The following WWOX variants were observed in gnomAD, a reference collection of about 807,000 sequenced individuals.
The protein encoded by WWOX is WW domain-containing oxidoreductase.
A neutral mutation model predicts 46.2 loss-of-function variants in WWOX; 69 were observed. The observed-to-expected ratio is 1.49, with a 90% CI of 1.23 to 1.82. The LOEUF is 1.82. Among genes scored for constraint, WWOX ranks in the 40% most tolerant of loss-of-function variants. The probability of loss-of-function intolerance (pLI) is 0.00; values close to 1 mark genes in which losing one functional copy is unlikely to be tolerated. For synonymous variants in WWOX, 359 were observed against 202.6 expected (o/e 1.77, Z -6.56); for missense variants, 919 against 542.6 (o/e 1.69, Z -6.89).
chr16:78,937,329 A>G (rs1344277800), intron 8 of WWOX, among the ~76,000 whole-genome samples: 2 of 152,100 alleles, frequency 1.3e-5, no homozygotes, highest in Admixed American at 6.5e-5. Context: ...CTAATTTGAT[A>G]CAGGTGTCAG....
At chr16:78,462,078 C>G (rs73574917) in intron 8 of WWOX, among the ~76,000 whole-genome samples, 5,265 of 152,240 alleles carry the variant, frequency 0.035, 311 homozygotes, top group African/African-American at 0.12. Flanking sequence ...TGACCAGGGT[C>G]TAGCAGTCAT....
chr16:78,531,941 A>G (rs2043633294), intron 8 of WWOX, among the ~76,000 whole-genome samples: 1 of 152,002 alleles, frequency 6.6e-6, no homozygotes, highest in Non-Finnish European at 1.5e-5. Context: ...TCCCTTTCCC[A>G]CCTTCCCAAA....
chr16:78,504,607 C>G (rs1438184129), intron 8 of WWOX, among the ~76,000 whole-genome samples: 1 of 152,190 alleles, frequency 6.6e-6, no homozygotes, highest in Non-Finnish European at 1.5e-5. Flanking sequence ...GTAATACTAT[C>G]TTTCTTTCCC....
At chr16:78,813,005 C>G (rs1029477500) in intron 8 of WWOX, among the ~76,000 whole-genome samples, 5 of 151,374 alleles carry the variant, frequency 3.3e-5, no homozygotes, top group African/African-American at 7.3e-5. Flanking sequence ...ATTAGGGAAT[C>G]TACCTTAATA....
intron 5 of WWOX, among the ~76,000 whole-genome samples, chr16:78,171,665 C>T (rs11859448): frequency 7.9e-5 from 12 of 152,116 alleles, no homozygotes; most frequent in Admixed American, 2.0e-4. Flanking sequence ...TGTAGATTAC[C>T]GGGAAGAGCG....
At chr16:79,057,575 T>C (rs2048286176) in intron 8 of WWOX, among the ~76,000 whole-genome samples, 1 of 95,962 alleles carries the variant, frequency 1.0e-5, no homozygotes, top group Non-Finnish European at 2.1e-5. Flanking sequence ...TTCAGAGAGT[T>C]GGTGATTTTG....
chr16:78,914,586 A>G (rs956127795), intron 8 of WWOX, among the ~76,000 whole-genome samples: 5 of 152,008 alleles, frequency 3.3e-5, no homozygotes, highest in East Asian at 1.9e-4. Context: ...TGTGAGTATA[A>G]GAGGGAAACC....
At chr16:79,049,006 C>G (rs940153002) in intron 8 of WWOX, among the ~76,000 whole-genome samples, 4 of 152,188 alleles carry the variant, frequency 2.6e-5, no homozygotes, top group Non-Finnish European at 4.4e-5. Flanking sequence ...ATGAGAATCC[C>G]TGAGGGACAG....
chr16:78,892,351 G>A (rs1471173569), intron 8 of WWOX: 3 of 152,202 alleles, frequency 2.0e-5, no homozygotes, highest in Non-Finnish European at 4.4e-5. Flanking sequence ...GTGCGTTCCT[G>A]GACTCTGGGG....
At chr16:78,561,891 A>G (rs1244936055) in intron 8 of WWOX, among the ~76,000 whole-genome samples, 1 of 152,096 alleles carries the variant, frequency 6.6e-6, no homozygotes, top group Non-Finnish European at 1.5e-5. Flanking sequence ...ACCTGATGCA[A>G]CTCATTATCT....
chr16:78,515,230 A>C (rs1007143820), intron 8 of WWOX, among the ~76,000 whole-genome samples: 2 of 152,232 alleles, frequency 1.3e-5, no homozygotes, highest in African/African-American at 4.8e-5. Flanking sequence ...TCTCAGAAAC[A>C]GAAAATAAAA....
chr16:78,990,669 AAG>A (rs1343042159), intron 8 of WWOX, among the ~76,000 whole-genome samples: 1 of 152,154 alleles, frequency 6.6e-6, no homozygotes. Flanking sequence ...AGGAAGGAAA[AAG>A]AGAGAGGGAG....
intron 8 of WWOX, among the ~76,000 whole-genome samples, chr16:78,633,441 C>T (rs1242023325): frequency 1.3e-5 from 2 of 152,134 alleles, no homozygotes; most frequent in Non-Finnish European, 2.9e-5. Context: ...GCAGGTGATA[C>T]TGCATTTTGT....
Position 79,050,506 on chromosome 16 carries a change from A to T in WWOX, c.1057-161102A>T, listed in dbSNP as rs771814899. Among the ~76,000 whole-genome samples the T allele has an allele frequency of 9.9e-5, 15 of 152,208 alleles. 1 individual carries two copies. The highest frequency in any genetic ancestry group is 2.2e-4 in the Non-Finnish European group (15 of 68,038). On this transcript the variant is annotated intron_variant, in intron 8 of 8. Coordinates refer to ENST00000566780, the MANE Select transcript of WWOX (RefSeq NM_016373.4). ...TCCTCTGTCACACACTGATGCCCCA[A>T]ATAAATCACATGGCTGAGCTCACGG...
intron 8 of WWOX, among the ~76,000 whole-genome samples, chr16:78,491,887 TCTA>T (rs1555548857): frequency 6.6e-6 from 1 of 152,198 alleles, no homozygotes; most frequent in Non-Finnish European, 1.5e-5. Flanking sequence ...TCCCTTGCCT[TCTA>T]CTCCTCTTTT....
At chr16:78,955,124 A>C (rs2046138913) in intron 8 of WWOX, among the ~76,000 whole-genome samples, 1 of 152,098 alleles carries the variant, frequency 6.6e-6, no homozygotes, top group Non-Finnish European at 1.5e-5. Flanking sequence ...GACTATATTG[A>C]ATTTTGGCCC....
chr16:78,380,793 C>A (rs746963725), intron 5 of WWOX, among the ~76,000 whole-genome samples: 1 of 152,062 alleles, frequency 6.6e-6, no homozygotes, highest in Non-Finnish European at 1.5e-5. Flanking sequence ...ACTTGCCCAG[C>A]CCCAAACCAC....
At chr16:78,207,928 T>C (rs1290545033) in intron 5 of WWOX, among the ~76,000 whole-genome samples, 3 of 152,120 alleles carry the variant, frequency 2.0e-5, no homozygotes, top group Middle Eastern at 3.2e-3. Context: ...TCCTCCTAGC[T>C]CAGCCTCCTG....
chr16:78,652,389 A>G (rs1013203274), intron 8 of WWOX, among the ~76,000 whole-genome samples: 1 of 147,740 alleles, frequency 6.8e-6, no homozygotes, highest in African/African-American at 2.5e-5. Flanking sequence ...AGCCTGGGTG[A>G]CAGAGCGAGA....
Sources: gnomAD v4.1 joint callset for allele counts (sites outside exome capture counted in the v4.1 genomes callset) on GRCh38, gnomAD v4.1.1 for gene constraint, MANE v1.5 for transcripts, NCBI Gene and HGNC (gene_info 2026-07-23, HGNC 2026-07-21) for gene names.